The following EFNA5 variants were observed in gnomAD, a reference collection of about 807,000 sequenced individuals.
EFNA5 encodes the protein ephrin A5, also known as ephrin-A5.
EFNA5 carries 5 observed loss-of-function variants against 22.9 expected under a neutral mutation model. The ratio of observed to expected loss-of-function variants is 0.22; its 90% CI spans 0.11 to 0.46. The LOEUF is 0.46. Ranked by LOEUF, EFNA5 falls within the 20% of genes least tolerant of loss-of-function variation. The pLI, the probability that EFNA5 is intolerant of heterozygous loss-of-function variation, is 0.99. For missense variants in EFNA5, 237 were observed against 293.3 expected, an observed-to-expected ratio of 0.81 and a Z score of 1.40; for synonymous variants, 113 against 112.2, an observed-to-expected ratio of 1.01 and a Z score of -0.04.
chr5:107,527,184 T>C (rs9986212), intron 1 of EFNA5, among the ~76,000 whole-genome samples: 4,698 of 152,330 alleles, frequency 0.031, 82 homozygotes, highest in South Asian at 0.061. Flanking sequence ...GTTTCATGTA[T>C]GAAATTTGAA....
chr5:107,443,373 T>C (rs1474950814), intron 1 of EFNA5, among the ~76,000 whole-genome samples: 2 of 152,188 alleles, frequency 1.3e-5, no homozygotes, highest in Admixed American at 6.5e-5. Context: ...TAAGCTGCAG[T>C]GCCAGGCACT....
intron 1 of EFNA5, among the ~76,000 whole-genome samples, chr5:107,664,757 T>C (rs1340345728): frequency 6.6e-6 from 1 of 152,192 alleles, no homozygotes; most frequent in Non-Finnish European, 1.5e-5. Context: ...CCTTCCTCAC[T>C]GTGCTTAGGG....
chr5:107,589,437 G>A (rs908922498), intron 1 of EFNA5, among the ~76,000 whole-genome samples: 3 of 151,952 alleles, frequency 2.0e-5, no homozygotes, highest in Non-Finnish European at 2.9e-5. Context: ...TGAATTAAGC[G>A]GCTTCCAAAA....
At chr5:107,389,467 C>T (rs1353271285) in intron 2 of EFNA5, among the ~76,000 whole-genome samples, 1 of 152,198 alleles carries the variant, frequency 6.6e-6, no homozygotes, top group African/African-American at 2.4e-5. Flanking sequence ...GTTCACACTG[C>T]TGTTCAATGA....
At chr5:107,430,774 C>CTTTTTTTTTTTT (rs869266799) in intron 1 of EFNA5, among the ~76,000 whole-genome samples, 2 of 20,292 alleles carry the variant, frequency 9.9e-5, no homozygotes, top group African/African-American at 1.7e-4. Context: ...TTCTTTCTTT[C>CTTTTTTTTTTTT]TTTTTTTTTT....
chr5:107,439,134 T>A (rs1749190193), intron 1 of EFNA5, among the ~76,000 whole-genome samples: 1 of 152,136 alleles, frequency 6.6e-6, no homozygotes, highest in African/African-American at 2.4e-5. Context: ...AGGGTCTTTT[T>A]TGGAAGTAAT....
intron 1 of EFNA5, among the ~76,000 whole-genome samples, chr5:107,627,092 A>G (rs1317531374): frequency 6.6e-6 from 1 of 152,174 alleles, no homozygotes; most frequent in Non-Finnish European, 1.5e-5. Context: ...TACCTTTTCA[A>G]TCTTCTTCTC....
intron 1 of EFNA5, among the ~76,000 whole-genome samples, chr5:107,589,703 A>G (rs1372153067): frequency 6.6e-6 from 1 of 152,150 alleles, no homozygotes; most frequent in Non-Finnish European, 1.5e-5. Flanking sequence ...AAGAAAAAAG[A>G]AGGCCAGAGA....
intron 1 of EFNA5, among the ~76,000 whole-genome samples, chr5:107,534,032 G>A (rs1397351921): frequency 6.6e-6 from 1 of 152,160 alleles, no homozygotes; most frequent in East Asian, 1.9e-4. Context: ...ACCAGAGGCA[G>A]GATCTCCCCA....
At chr5:107,570,657 G>T (rs931085600) in intron 1 of EFNA5, among the ~76,000 whole-genome samples, 1 of 151,906 alleles carries the variant, frequency 6.6e-6, no homozygotes, top group East Asian at 1.9e-4. Context: ...GTGTGGGGGT[G>T]GGGGCGGGCA....
chr5:107,512,599 G>A (rs1747394689), intron 1 of EFNA5, among the ~76,000 whole-genome samples: 1 of 151,904 alleles, frequency 6.6e-6, no homozygotes, highest in Non-Finnish European at 1.5e-5. Flanking sequence ...TTAAAATAGA[G>A]CAATGAGATA....
At chr5:107,408,021 T>C (rs1003263674) in intron 2 of EFNA5, among the ~76,000 whole-genome samples, 4 of 152,228 alleles carry the variant, frequency 2.6e-5, no homozygotes, top group African/African-American at 9.6e-5. Context: ...CTGTCTGTGA[T>C]ACTAATTTGA....
chr5:107,559,146 C>T (rs1748481068), intron 1 of EFNA5, among the ~76,000 whole-genome samples: 1 of 152,164 alleles, frequency 6.6e-6, no homozygotes, highest in African/African-American at 2.4e-5. Context: ...TGCCCTGATT[C>T]CCTATGCAAC....
intron 1 of EFNA5, among the ~76,000 whole-genome samples, chr5:107,430,778 T>C (rs1348038515): frequency 3.1e-4 from 5 of 15,992 alleles, no homozygotes; most frequent in Non-Finnish European, 1.1e-3. Flanking sequence ...TTCTTTCTTT[T>C]TTTTTTTTTT....
Position 107,569,559 on chromosome 5 carries a change from TTATATATATATATATATATATA to T in EFNA5, c.125+100908_125+100929del, listed in dbSNP as rs70996962. On this transcript the variant is annotated intron_variant, in intron 1 of 4. Transcript: ENST00000333274. ...TATATATATGTGTGTATATATATAT[TTATATATATATATATATATATA>T]TATATATATATATATTCCCAGCTCT... Among the ~76,000 whole-genome samples the T allele has an allele frequency of 1.4e-3, 59 of 42,498 alleles. 2 individuals carry two copies. The highest frequency in any genetic ancestry group is 0.013 in the Admixed American group (49 of 3,774). The allele number at this position is 42,498 out of a possible 152,430, so 27.9% of individuals were successfully genotyped here. A position where few individuals can be genotyped will look rare whatever the true frequency, so the allele number is the denominator to read the frequency against.
intron 1 of EFNA5, among the ~76,000 whole-genome samples, chr5:107,620,100 C>G (rs1352547571): frequency 6.6e-6 from 1 of 152,240 alleles, no homozygotes; most frequent in Non-Finnish European, 1.5e-5. Flanking sequence ...TCCAAGCCCT[C>G]TAACAACTCC....
rs183717640 is a variant in EFNA5, at chr5:107,569,072, T to C, written c.125+101417A>G. On this transcript the variant is annotated intron_variant, in intron 1 of 4. Transcript: ENST00000333274. ...ACATGCCTGTAAGCAAAGATACGCA[T>C]AGTTAAATCTATACTTAGCATATTA... is the stretch of plus-strand genomic sequence containing the variant. Among the ~76,000 whole-genome samples, 663 of 152,170 alleles carry C rather than the reference T, an allele frequency of 4.4e-3. 10 individuals are homozygous for C. The highest frequency in any genetic ancestry group is 0.015 in the African/African-American group (605 of 41,524).
intron 2 of EFNA5, among the ~76,000 whole-genome samples, chr5:107,392,926 A>G (rs1160493516): frequency 3.9e-5 from 6 of 152,252 alleles, no homozygotes; most frequent in Non-Finnish European, 7.3e-5. Flanking sequence ...TTGAAGAAAT[A>G]CAACAAGACA....
chr5:107,639,968 T>C (rs1750468931), intron 1 of EFNA5, among the ~76,000 whole-genome samples: 1 of 152,206 alleles, frequency 6.6e-6, no homozygotes, highest in Non-Finnish European at 1.5e-5. Flanking sequence ...TATTTATGTG[T>C]CACTTATGAA....
Sources: allele counts gnomAD v4.1 joint callset (sites outside exome capture counted in the v4.1 genomes callset), GRCh38; gene constraint gnomAD v4.1.1; transcripts MANE v1.5; gene names NCBI Gene and HGNC (gene_info 2026-07-23, HGNC 2026-07-21).